DNAH14: variants seen among roughly 807,000 people sequenced by gnomAD.
The protein encoded by DNAH14 is axonemal beta dynein heavy chain 14.
DNAH14 carries 478 observed loss-of-function variants against 520.9 expected under a neutral mutation model. The observed-to-expected ratio is 0.92, with a 90% CI of 0.85 to 0.99. DNAH14 has a LOEUF of 0.99. Ranked by LOEUF, DNAH14 falls within the 50% of genes least tolerant of loss-of-function variation. The pLI, the probability that DNAH14 is intolerant of heterozygous loss-of-function variation, is 0.00. For missense variants in DNAH14, 4,831 were observed against 5,234.5 expected, an observed-to-expected ratio of 0.92 and a Z score of 2.38; for synonymous variants, 1,581 against 1,757.2, an observed-to-expected ratio of 0.90 and a Z score of 2.51.
intron 55 of DNAH14, among the ~76,000 whole-genome samples, chr1:225,298,132 C>T (rs1038589896): frequency 2.0e-5 from 3 of 152,024 alleles, no homozygotes; most frequent in African/African-American, 7.2e-5. Flanking sequence ...CAGGGGCAAC[C>T]CATGTAGCTA....
At chr1:225,118,142 C>A in intron 25 of DNAH14, 143 bp downstream of exon 25, 3 of 740,034 alleles carry the variant, frequency 4.1e-6, no homozygotes, top group South Asian at 1.5e-5. Context: ...TATACTTTTG[C>A]CTTTCCATAT....
chr1:225,308,689 C>T (rs2094297888), intron 60 of DNAH14, among the ~76,000 whole-genome samples: 1 of 152,212 alleles, frequency 6.6e-6, no homozygotes, highest in Non-Finnish European at 1.5e-5. Flanking sequence ...TCATGCAGGC[C>T]ATACCAAAAG....
intron 1 of DNAH14, among the ~76,000 whole-genome samples, chr1:224,937,593 A>G (rs1488308493): frequency 6.6e-6 from 1 of 152,128 alleles, no homozygotes; most frequent in East Asian, 1.9e-4. Flanking sequence ...ATGGATCAGA[A>G]GAATTAATAT....
At chr1:225,079,653 ATAG>A in intron 18 of DNAH14, 105 bp downstream of exon 18, 1 of 741,612 alleles carries the variant, frequency 1.3e-6, no homozygotes. Context: ...TTTTGGCTAA[ATAG>A]TTTAATACAA....
chr1:225,340,477 T>C lies in DNAH14; in HGVS notation c.10454T>C (p.Ile3485Thr). 1 of 1,550,824 alleles carries C rather than the reference T, an allele frequency of 6.4e-7. No individual in the cohort carries two copies. Among genetic ancestry groups the C allele is most frequent in the Non-Finnish European group, 8.7e-7 (1 of 1,146,406 alleles). Residue 3485 changes from isoleucine to threonine, a missense_variant, in exon 69 of 86, where the codon ATA (isoleucine) becomes ACA (threonine). Coordinates refer to ENST00000682510, the MANE Select transcript of DNAH14 (RefSeq NM_001367479.1). ...TTCAGGTTATACTTATCTACAGAAA[T>C]AGACAACCCCCATTTTCTTCCATCA... ...SNFRLYLSTE[I>T]DNPHFLPSVY...
At position 225,377,128 on chromosome 1, in the gene DNAH14, T is replaced by A. The variant is rs2095711294; in HGVS notation, c.12517-109T>A. ...CGGTATAAAATTTCATGGGAAAATA[T>A]TGTCTTCAAGCATTACTGAAAGTAG... On this transcript the variant is annotated intron_variant, in intron 78 of 85. Transcript: ENST00000682510. 7 of 871,134 alleles carry A rather than the reference T, an allele frequency of 8.0e-6. No individual in the cohort carries two copies. In the South Asian group the frequency reaches 2.0e-4, roughly 25 times the overall value. The allele number at this position is 871,134 out of a possible 1,614,324, so 54.0% of individuals were successfully genotyped here. A position where few individuals can be genotyped will look rare whatever the true frequency, so the allele number is the denominator to read the frequency against.
intron 30 of DNAH14, 89 bp downstream of exon 30, chr1:225,145,468 T>C: frequency 1.8e-6 from 2 of 1,092,602 alleles, no homozygotes; most frequent in Non-Finnish European, 2.5e-6. Flanking sequence ...AAGAAAAATA[T>C]TTATCTGAGA....
chr1:225,337,438 G>C lies in DNAH14; in HGVS notation c.10253G>C (p.Ser3418Thr). ...CTGCAGAAGCTCTCCATTGAAGACAGCAATTATACCAAAAAAATTGAAAAT... is the reference window on the plus strand; with the variant it reads ...CTGCAGAAGCTCTCCATTGAAGACACCAATTATACCAAAAAAATTGAAAAT... Reference protein sequence around the residue: ...SRLQKLSIEDSNYTKKIENAM... With the variant: ...SRLQKLSIEDTNYTKKIENAM... Residue 3418 changes from serine (S) to threonine (T), a missense_variant, in exon 67 of 86, where the codon AGC (serine) becomes ACC (threonine). Ser to Thr is a moderately conservative substitution (Grantham distance 58). Transcript: ENST00000682510. 6.4e-7 allele frequency: 1 copy of C among 1,551,770 alleles called. No homozygotes were observed. The highest frequency in any genetic ancestry group is 1.2e-5 in the South Asian group (1 of 84,060).
chr1:224,940,471 T>C (rs555242900), intron 1 of DNAH14, among the ~76,000 whole-genome samples: 1 of 152,140 alleles, frequency 6.6e-6, no homozygotes, highest in Non-Finnish European at 1.5e-5. Flanking sequence ...GTATGCAGCT[T>C]GTCTTTTTAT....
At chr1:225,101,895 T>A (rs1573079296) in intron 23 of DNAH14, among the ~76,000 whole-genome samples, 1 of 119,984 alleles carries the variant, frequency 8.3e-6, no homozygotes, top group South Asian at 2.2e-4. Context: ...TTGCTGAATC[T>A]TTTTTTTTTT....
At chr1:225,195,565 C>G (rs2086020834) in intron 38 of DNAH14, among the ~76,000 whole-genome samples, 1 of 151,198 alleles carries the variant, frequency 6.6e-6, no homozygotes, top group South Asian at 2.1e-4. Flanking sequence ...AGCTTATTAC[C>G]TGGGTAAAAA....
rs1241009289 is a variant in DNAH14, at chr1:225,274,195, T to TTTTTTC, written c.8010+1071_8010+1072insTTTTCT. Among the ~76,000 whole-genome samples, 5 of 125,878 alleles carry TTTTTTC rather than the reference T, an allele frequency of 4.0e-5. No homozygotes were observed. The East Asian group carries it at 1.4e-3, about 35-fold the overall frequency. 82.6% of individuals were successfully genotyped at this position (125,878 alleles called of 152,430 possible). ...TTCTCTGCATCCTCACCAGCATCTG[T>TTTTTTC]TATTTTTTTTTTTTTTTTTTTTTTT... On this transcript the variant is annotated intron_variant, in intron 52 of 85. Transcript: ENST00000682510.
At chr1:225,388,610 A>T (rs1260649668) in intron 82 of DNAH14, 119 bp downstream of exon 82, 5 of 553,466 alleles carry the variant, frequency 9.0e-6, no homozygotes, top group Non-Finnish European at 1.6e-5. Flanking sequence ...GAATTAAGCA[A>T]GGGAGGGATT....
intron 73 of DNAH14, chr1:225,357,733 C>T: frequency 1.4e-6 from 1 of 692,154 alleles, no homozygotes; most frequent in Non-Finnish European, 2.6e-6. Flanking sequence ...GTAAAAATGG[C>T]AACTTCCCAT....
intron 35 of DNAH14, 73 bp downstream of exon 35, chr1:225,159,558 A>G (rs2081343499): frequency 7.5e-7 from 1 of 1,337,560 alleles, no homozygotes; most frequent in African/African-American, 1.5e-5. Context: ...GATGTGGATT[A>G]AAAATATTAC....
rs540324467 is a variant in DNAH14, at chr1:225,340,689, C to A, written c.10666C>A (p.Gln3556Lys). The A allele has an allele frequency of 6.4e-7, 1 of 1,551,102 alleles. No individual in the cohort carries two copies. Among genetic ancestry groups the A allele is most frequent in the East Asian group, 2.4e-5 (1 of 40,824 alleles). Residue 3556 changes from glutamine to lysine, a missense_variant, in exon 69 of 86, where the codon CAG (glutamine) becomes AAG (lysine). Gln to Lys is a moderately conservative substitution (Grantham distance 53). Transcript: ENST00000682510. ...ELEEKTLNLL[Q>K]KALGSILDDD... ...AGAGGAAAAAACATTAAATTTACTG[C>A]AGAAAGCACTAGGTAAGTCAAGATA...
intron 9 of DNAH14, among the ~76,000 whole-genome samples, chr1:225,007,124 A>G (rs1336167445): frequency 6.6e-6 from 1 of 152,216 alleles, no homozygotes; most frequent in Admixed American, 6.5e-5. Context: ...GGATTGGTGG[A>G]TTCTCTGCAT....
At chr1:225,101,849 A>C (rs1021321730) in intron 23 of DNAH14, among the ~76,000 whole-genome samples, 3 of 151,180 alleles carry the variant, frequency 2.0e-5, no homozygotes, top group African/African-American at 7.3e-5. Flanking sequence ...CAGTATACTG[A>C]TTTCCTTTCT....
chr1:225,391,429 G>A (rs1448758317), intron 83 of DNAH14, among the ~76,000 whole-genome samples: 1 of 152,152 alleles, frequency 6.6e-6, no homozygotes, highest in Non-Finnish European at 1.5e-5. Flanking sequence ...CCATGATCAT[G>A]CCACTGTACT....
Sources: allele counts gnomAD v4.1 joint callset (sites outside exome capture counted in the v4.1 genomes callset), GRCh38; gene constraint gnomAD v4.1.1; transcripts MANE v1.5; gene names NCBI Gene and HGNC (gene_info 2026-07-23, HGNC 2026-07-21).